NSF: variants seen among roughly 807,000 people sequenced by gnomAD.
The protein encoded by NSF is N-ethylmaleimide sensitive factor, vesicle fusing ATPase.
NSF carries 14 observed loss-of-function variants against 50.3 expected under a neutral mutation model. That is an observed-to-expected ratio of 0.28 (90% CI 0.18 to 0.44). The LOEUF is 0.44. NSF is among the 20% of genes least tolerant of loss of function. The probability of loss-of-function intolerance (pLI) is 1.00; values close to 1 mark genes in which losing one functional copy is unlikely to be tolerated. For synonymous variants in NSF, 109 were observed against 175.7 expected (o/e 0.62, Z 3.00); for missense variants, 218 against 504.3 (o/e 0.43, Z 5.44).
At chr17:46,708,814 ATATATATATTTTT>A (rs2058685741) in intron 13 of NSF, among the ~76,000 whole-genome samples, 1 of 98,128 alleles carries the variant, frequency 1.0e-5, no homozygotes, top group Non-Finnish European at 1.9e-5. Flanking sequence ...TTATATATAT[ATATATATATTTTT>A]TTTTTTTTTT....
chr17:46,708,359 TTC>T (rs1555673974), intron 13 of NSF, among the ~76,000 whole-genome samples: 1 of 152,190 alleles, frequency 6.6e-6, no homozygotes, highest in African/African-American at 2.4e-5. Flanking sequence ...ACAAATTATT[TTC>T]TGTTTTTTTG....
chr17:46,729,064 G>C, intron 17 of NSF, 130 bp downstream of exon 17: 1 of 579,582 alleles, frequency 1.7e-6, no homozygotes, highest in Non-Finnish European at 2.9e-6. Context: ...ATTTTGAAAG[G>C]TCGTCCAGTC....
chr17:46,746,766 C>T (rs948008641), intron 17 of NSF, among the ~76,000 whole-genome samples: 4 of 152,178 alleles, frequency 2.6e-5, no homozygotes, highest in Non-Finnish European at 5.9e-5. Context: ...ACACAAATGA[C>T]TTGCCTTGAA....
In NSF at chr17:46,751,626, T is replaced by C; in HGVS notation, c.2157+10T>C. 6.4e-7 allele frequency: 1 copy of C among 1,564,732 alleles called. No homozygotes were observed. Among genetic ancestry groups the C allele is most frequent in the Non-Finnish European group, 8.8e-7 (1 of 1,135,718 alleles). ...CGAGATGTCCCTACAGGTAAGGTAC[T>C]TCGTTCTCCGTATGACTCAGACAGA... On this transcript the variant is annotated intron_variant, in intron 19 of 20. Transcript: ENST00000398238.
intron 15 of NSF, 86 bp downstream of exon 15, chr17:46,714,072 A>G (rs111878397): frequency 3.7e-6 from 5 of 1,334,498 alleles, no homozygotes; most frequent in African/African-American, 3.0e-5. Context: ...ACATGTATAC[A>G]TATAAACCCA....
intron 14 of NSF, among the ~76,000 whole-genome samples, chr17:46,712,328 A>G (rs1022066194): frequency 6.6e-6 from 1 of 152,020 alleles, no homozygotes; most frequent in Non-Finnish European, 1.5e-5. Flanking sequence ...ATCTATTTAA[A>G]CCCCACTTCA....
intron 17 of NSF, among the ~76,000 whole-genome samples, chr17:46,729,252 T>C (rs2058924817): frequency 6.6e-6 from 1 of 152,202 alleles, no homozygotes; most frequent in African/African-American, 2.4e-5. Context: ...AGGGAGATTA[T>C]GATATTAATA....
In NSF at chr17:46,755,232, C is replaced by T. The variant is rs73987022; in HGVS notation, c.2158-82C>T. 1,342 of 1,044,596 alleles carry T rather than the reference C, an allele frequency of 1.3e-3. 12 individuals are homozygous for T. In the African/African-American group the frequency reaches 0.018, roughly 14 times the overall value. The allele number at this position is 1,044,596 out of a possible 1,614,324, so 64.7% of individuals were successfully genotyped here. ...GCAGAGCATTGATGAAGTGTGAAAC[C>T]GAACACTGCCTTCTCATGAAGCAAG... is the stretch of plus-strand genomic sequence containing the variant. On this transcript the variant is annotated intron_variant, in intron 19 of 20. Transcript: ENST00000398238.
intron 17 of NSF, among the ~76,000 whole-genome samples, chr17:46,745,548 C>T (rs536003652): frequency 6.6e-6 from 1 of 152,258 alleles, no homozygotes; most frequent in African/African-American, 2.4e-5. Context: ...AAACTGGCAG[C>T]GATTTTAAAA....
intron 19 of NSF, among the ~76,000 whole-genome samples, chr17:46,752,984 G>T (rs970447158): frequency 1.3e-5 from 2 of 152,182 alleles, no homozygotes; most frequent in African/African-American, 4.8e-5. Flanking sequence ...GGCCAAGCCG[G>T]TCTCGATCTA....
chr17:46,732,255 T>C (rs1298646943), intron 17 of NSF, among the ~76,000 whole-genome samples: 15 of 152,082 alleles, frequency 9.9e-5, no homozygotes, highest in Admixed American at 9.8e-4. Flanking sequence ...CACAGAAAAA[T>C]TGTGTGTGCA....
chr17:46,727,093 C>T (rs1377376338), intron 16 of NSF, among the ~76,000 whole-genome samples: 1 of 152,164 alleles, frequency 6.6e-6, no homozygotes, highest in Non-Finnish European at 1.5e-5. Flanking sequence ...ACTATAATCC[C>T]TCTCTTGCTT....
chr17:46,712,745 G>A (rs753620444), intron 14 of NSF, among the ~76,000 whole-genome samples: 14 of 152,118 alleles, frequency 9.2e-5, no homozygotes, highest in South Asian at 2.1e-4. Flanking sequence ...ACTTGTCTCT[G>A]AAGCATGTTA....
At chr17:46,750,454 C>G (rs1568062378) in intron 18 of NSF, among the ~76,000 whole-genome samples, 1 of 152,312 alleles carries the variant, frequency 6.6e-6, no homozygotes, top group East Asian at 1.9e-4. Flanking sequence ...ATCTGGAAAT[C>G]TGAAATGCTT....
chr17:46,605,448 C>G (rs1424961310), intron 1 of NSF, among the ~76,000 whole-genome samples: 1 of 118,062 alleles, frequency 8.5e-6, no homozygotes, highest in African/African-American at 3.2e-5. Context: ...AACTCCATCT[C>G]AAAAAAAAAA....
intron 1 of NSF, among the ~76,000 whole-genome samples, chr17:46,610,029 C>CTT (rs528412035): frequency 0.043 from 3,798 of 87,332 alleles, 102 homozygotes; most frequent in Admixed American, 0.13. Flanking sequence ...TTCTTTCTTT[C>CTT]TCTCTCTCTC....
At chr17:46,721,530 A>T in intron 15 of NSF, 1 of 1,137,590 alleles carries the variant, frequency 8.8e-7, no homozygotes, top group Non-Finnish European at 1.3e-6. Flanking sequence ...CTGACTATAC[A>T]TTCTTTTTCT....
rs908913990 is a variant in NSF, at chr17:46,729,335, G to A, written c.1908+401G>A. Among the ~76,000 whole-genome samples, 5 of 151,980 alleles carry A rather than the reference G, an allele frequency of 3.3e-5. No homozygotes were observed. In the East Asian group the frequency reaches 5.8e-4, roughly 18 times the overall value. ...GGTTTTCCTAAAAATTTGTTTATGG[G>A]GATATTTAAGTTTATTTTCTTTGGG... is the stretch of plus-strand genomic sequence containing the variant. On this transcript the variant is annotated intron_variant, in intron 17 of 20. Transcript: ENST00000398238.
At chr17:46,745,076 G>C (rs2059114389) in intron 17 of NSF, among the ~76,000 whole-genome samples, 1 of 151,972 alleles carries the variant, frequency 6.6e-6, no homozygotes, top group Non-Finnish European at 1.5e-5. Flanking sequence ...GGGCATGTTT[G>C]GGCACTGTGG....
Sources: allele counts gnomAD v4.1 joint callset (sites outside exome capture counted in the v4.1 genomes callset), GRCh38; gene constraint gnomAD v4.1.1; transcripts MANE v1.5; gene names NCBI Gene and HGNC (gene_info 2026-07-23, HGNC 2026-07-21).